The following VANGL2 variants were observed in gnomAD, a reference collection of about 807,000 sequenced individuals.
VANGL2 encodes the protein VANGL planar cell polarity protein 2.
Under a neutral mutation model 50.2 loss-of-function variants are expected in VANGL2, and 14 were observed. The ratio of observed to expected loss-of-function variants is 0.28; its 90% CI spans 0.18 to 0.44. The LOEUF (loss-of-function observed/expected upper bound fraction) is 0.44. VANGL2 is among the 20% of genes least tolerant of loss of function. The probability of loss-of-function intolerance (pLI) is 1.00; values close to 1 mark genes in which losing one functional copy is unlikely to be tolerated. For missense variants in VANGL2, 533 were observed against 701.5 expected (o/e 0.76, Z 2.71); for synonymous variants, 295 against 297.2 (o/e 0.99, Z 0.08).
At chr1:160,405,731 T>G (rs906807226) in intron 1 of VANGL2, among the ~76,000 whole-genome samples, 1 of 150,580 alleles carries the variant, frequency 6.6e-6, no homozygotes, top group African/African-American at 2.5e-5. Context: ...TAGAGGAGAG[T>G]GGGAGGTGAT....
Position 160,427,581 on chromosome 1 carries a change from T to TATTA in VANGL2, c.*2204_*2207dup, listed in dbSNP as rs544937149. The TATTA allele has an allele frequency of 6.6e-6, 1 of 150,880 alleles. No individual in the cohort carries two copies. Among genetic ancestry groups the TATTA allele is most frequent in the Admixed American group, 6.6e-5 (1 of 15,110 alleles). The allele number at this position is 150,880 out of a possible 1,614,324, so 9.3% of individuals were successfully genotyped here. A position where few individuals can be genotyped will look rare whatever the true frequency, so the allele number is the denominator to read the frequency against. On this transcript the variant is annotated 3_prime_UTR_variant, in exon 8 of 8. Coordinates refer to ENST00000368061, the MANE Select transcript of VANGL2 (RefSeq NM_020335.3). The stretch of plus-strand genomic sequence containing the variant: ...TTATTATTATTATTATTATTATTAT[T>TATTA]ATTACTATTGTTTTTTAAAATGTCA...
At chr1:160,405,686 C>A (rs1266542716) in intron 1 of VANGL2, among the ~76,000 whole-genome samples, 1 of 151,826 alleles carries the variant, frequency 6.6e-6, no homozygotes, top group Non-Finnish European at 1.5e-5. Flanking sequence ...GGGCCTCCTT[C>A]CCCTGCCGCT....
intron 7 of VANGL2, among the ~76,000 whole-genome samples, 198 bp from the exon 8 acceptor site, chr1:160,424,920 G>A (rs1053836448): frequency 3.3e-5 from 5 of 152,094 alleles, no homozygotes; most frequent in Non-Finnish European, 7.4e-5. Context: ...TGTGCACTCC[G>A]GCTTCTTCAT....
chr1:160,408,185 A>T (rs1650750147), intron 1 of VANGL2, among the ~76,000 whole-genome samples: 1 of 151,570 alleles, frequency 6.6e-6, no homozygotes, highest in South Asian at 2.1e-4. Context: ...TGCCAGAGAG[A>T]CAGCGGAGCA....
chr1:160,425,437 C>G lies in VANGL2; in HGVS notation c.*59C>G. Reference sequence around the variant, plus strand: ...GGGGTCCTGAGGGGGTGGGAGGGGGCTTGGTTCTCAGGCCCAGCCACATTC... The same window carrying G: ...GGGGTCCTGAGGGGGTGGGAGGGGGGTTGGTTCTCAGGCCCAGCCACATTC... On this transcript the variant is annotated 3_prime_UTR_variant, in exon 8 of 8. Coordinates refer to ENST00000368061, the MANE Select transcript of VANGL2 (RefSeq NM_020335.3). 9.4e-7 allele frequency: 1 copy of G among 1,061,948 alleles called. No individual in the cohort carries two copies. Among genetic ancestry groups the G allele is most frequent in the Non-Finnish European group, 1.3e-6 (1 of 763,260 alleles). The allele number at this position is 1,061,948 out of a possible 1,614,324, so 65.8% of individuals were successfully genotyped here.
In VANGL2 at chr1:160,416,229, C is replaced by T. The variant is rs56964155; in HGVS notation, c.192+47C>T. ...GTCCAGACCGGGCATTTTCAGACTG[C>T]TCCTGAGGGGCTGGAGGCTCCACGG... On this transcript the variant is annotated intron_variant, in intron 3 of 7. Coordinates refer to ENST00000368061, the MANE Select transcript of VANGL2 (RefSeq NM_020335.3). The T allele has an allele frequency of 2.9e-3, 4,685 of 1,613,006 alleles. 107 individuals carry two copies. The African/African-American group carries it at 0.053, about 18-fold the overall frequency.
chr1:160,422,507 A>G (rs1039557468), intron 6 of VANGL2, among the ~76,000 whole-genome samples: 11 of 151,894 alleles, frequency 7.2e-5, no homozygotes, highest in African/African-American at 2.7e-4. Context: ...GAAATGATAG[A>G]CATACACAGA....
At chr1:160,412,808 G>A (rs1394814319) in intron 1 of VANGL2, among the ~76,000 whole-genome samples, 4 of 152,202 alleles carry the variant, frequency 2.6e-5, no homozygotes, top group Non-Finnish European at 5.9e-5. Flanking sequence ...GAGGCATACA[G>A]TCATGGATGT....
intron 1 of VANGL2, among the ~76,000 whole-genome samples, chr1:160,403,451 A>G (rs1650550885): frequency 6.6e-6 from 1 of 152,118 alleles, no homozygotes; most frequent in Non-Finnish European, 1.5e-5. Context: ...TATTTCCTCT[A>G]ATTCTTCCGG....
chr1:160,415,560 C>T, intron 1 of VANGL2, 88 bp from the exon 2 acceptor site: 1 of 498,462 alleles, frequency 2.0e-6, no homozygotes, highest in Non-Finnish European at 3.7e-6. Context: ...TTTGAGCCTC[C>T]TGTGGCTGTT....
chr1:160,412,847 T>C (rs536218623), intron 1 of VANGL2, among the ~76,000 whole-genome samples: 9 of 152,334 alleles, frequency 5.9e-5, no homozygotes, highest in Admixed American at 3.9e-4. Flanking sequence ...ACATATATGA[T>C]GGTGGTCCCA....
chr1:160,421,999 C>A lies in VANGL2; in HGVS notation c.1073+812C>A, dbSNP rs112303637. The stretch of plus-strand genomic sequence containing the variant: ...CATATTATTAAGTGAATTTAGTCAA[C>A]CCTGAAGAATCTTACTTGGTGCCTA... On this transcript the variant is annotated intron_variant, in intron 6 of 7. Transcript: ENST00000368061. Among the ~76,000 whole-genome samples, 606 of 152,280 alleles carry A rather than the reference C, an allele frequency of 4.0e-3. 3 individuals are homozygous for A. Among genetic ancestry groups the A allele is most frequent in the African/African-American group, 0.014 (572 of 41,568 alleles).
intron 1 of VANGL2, among the ~76,000 whole-genome samples, chr1:160,404,908 C>A (rs1323893205): frequency 6.6e-6 from 1 of 152,126 alleles, no homozygotes; most frequent in African/African-American, 2.4e-5. Context: ...CTGTACCTTG[C>A]AGTATGAAGT....
rs1553216168 is a variant in VANGL2 at position 160,410,696 on chromosome 1, A to ACGCACG, written c.-190-4951_-190-4950insGCACGC. Among the ~76,000 whole-genome samples, 292 of 149,450 alleles carry ACGCACG rather than the reference A, an allele frequency of 2.0e-3. 1 individual carries two copies. The East Asian group carries it at 0.023, about 12-fold the overall frequency. ...CTTATACACACACACACACACACACACACGCACGCACGCACGCACTACTCT... is the reference window on the plus strand; with the variant it reads ...CTTATACACACACACACACACACACACGCACGCACGCACGCACGCACGCACTACTCT... On this transcript the variant is annotated intron_variant, in intron 1 of 7. Transcript: ENST00000368061.
chr1:160,419,694 G>A lies in VANGL2; in HGVS notation c.800+85G>A. ...ACTGCTAGGGTGGGAGGGTATGATG[G>A]TGGGCTGGAGGTGATGGGCTTGGAG... On this transcript the variant is annotated intron_variant, in intron 4 of 7. Coordinates refer to ENST00000368061, the MANE Select transcript of VANGL2 (RefSeq NM_020335.3). The surrounding 1 kb of genome is among the most constrained non-coding windows in gnomAD (Gnocchi z 5.8). 1 of 1,536,894 alleles carries A rather than the reference G, an allele frequency of 6.5e-7. No homozygotes were observed. Among genetic ancestry groups the A allele is most frequent in the African/African-American group, 1.4e-5 (1 of 73,338 alleles).
chr1:160,404,739 AT>A (rs1222762337), intron 1 of VANGL2, among the ~76,000 whole-genome samples: 10 of 152,310 alleles, frequency 6.6e-5, no homozygotes, highest in African/African-American at 2.4e-4. Flanking sequence ...TGTAGCATGT[AT>A]TAGTACTTCA....
rs751396709 is a variant in VANGL2, at chr1:160,420,472, C to A, written c.862C>A (p.Pro288Thr). 1 of 1,614,082 alleles carries A rather than the reference C, an allele frequency of 6.2e-7. No homozygotes were observed. The highest frequency in any genetic ancestry group is 2.2e-5 in the East Asian group (1 of 44,876). ...TTACCATGACTTCCCTGTCTACAACCCTGCCCTCCTCAACCTGCCCAAGTC... is the reference window on the plus strand; with the variant it reads ...TTACCATGACTTCCCTGTCTACAACACTGCCCTCCTCAACCTGCCCAAGTC... The part of the protein sequence containing the change: ...KYYHDFPVYN[P>T]ALLNLPKSVL... The change falls in exon 5 of 8, where the codon CCT becomes ACT. Residue 288 changes from proline (P) to threonine (T), a missense_variant. Transcript: ENST00000368061.
intron 1 of VANGL2, among the ~76,000 whole-genome samples, chr1:160,412,723 T>A (rs549011407): frequency 1.3e-5 from 2 of 152,314 alleles, no homozygotes; most frequent in South Asian, 4.1e-4. Flanking sequence ...CATTGAACTC[T>A]GTTAAGAAGA....
chr1:160,403,565 A>G (rs1348209355), intron 1 of VANGL2, among the ~76,000 whole-genome samples: 2 of 152,156 alleles, frequency 1.3e-5, no homozygotes, highest in African/African-American at 4.8e-5. Flanking sequence ...TTATCTGCTC[A>G]TCTGGTTTCC....
Sources: allele counts gnomAD v4.1 joint callset (sites outside exome capture counted in the v4.1 genomes callset), GRCh38; gene constraint gnomAD v4.1.1; non-coding constraint Gnocchi (gnomAD v3.1); transcripts MANE v1.5; gene names NCBI Gene and HGNC (gene_info 2026-07-23, HGNC 2026-07-21).